The following PCBP3 variants were observed in gnomAD, a reference collection of about 807,000 sequenced individuals.
The protein encoded by PCBP3 is poly(rC)-binding protein 3.
PCBP3 carries 25 observed loss-of-function variants against 52.7 expected under a neutral mutation model. The ratio of observed to expected loss-of-function variants is 0.47; its 90% CI spans 0.35 to 0.66. PCBP3 has a LOEUF of 0.66. Among genes scored for constraint, PCBP3 ranks in the 30% least tolerant of loss-of-function variants. The probability of loss-of-function intolerance (pLI) is 0.01; values close to 1 mark genes in which losing one functional copy is unlikely to be tolerated. For synonymous variants in PCBP3, 162 were observed against 183.0 expected (o/e 0.89, Z 0.93); for missense variants, 391 against 490.3 (o/e 0.80, Z 1.91).
At position 45,821,542 on chromosome 21, in the gene PCBP3, G is replaced by T. The variant is rs1486616095; in HGVS notation, c.-125-28419G>T. The stretch of plus-strand genomic sequence containing the variant: ...ACTCATTTCTAGAATACTCTTCCCT[G>T]CCTGCACCCTGCTGTGGGCCCCGCC... On this transcript the variant is annotated intron_variant, in intron 4 of 17. Transcript: ENST00000681687. The surrounding 1 kb of genome is among the most constrained non-coding windows in gnomAD (Gnocchi z 4.4). Among the ~76,000 whole-genome samples the T allele has an allele frequency of 1.4e-5, 2 of 142,064 alleles. No homozygotes were observed. Among genetic ancestry groups the T allele is most frequent in the Non-Finnish European group, 1.5e-5 (1 of 64,776 alleles). 93.2% of individuals were successfully genotyped at this position (142,064 alleles called of 152,430 possible).
At chr21:45,712,593 G>A (rs1213691325) in intron 2 of PCBP3, among the ~76,000 whole-genome samples, 2 of 152,098 alleles carry the variant, frequency 1.3e-5, no homozygotes, top group African/African-American at 4.8e-5. Flanking sequence ...AATCTTTACT[G>A]ACACTGTACA....
chr21:45,931,791 G>A (rs1035331309), intron 15 of PCBP3, among the ~76,000 whole-genome samples: 1 of 151,850 alleles, frequency 6.6e-6, no homozygotes, highest in East Asian at 1.9e-4. Flanking sequence ...GAACACATCG[G>A]CCATGCTGTC....
chr21:45,654,257 T>C (rs2079868921), intron 1 of PCBP3, among the ~76,000 whole-genome samples: 1 of 152,124 alleles, frequency 6.6e-6, no homozygotes, highest in African/African-American at 2.4e-5. Flanking sequence ...ATTTCTAACT[T>C]ATTCTGGGAT....
At chr21:45,668,780 C>G (rs2080969213) in intron 1 of PCBP3, 94 bp from the exon 2 acceptor site, 1 of 152,064 alleles carries the variant, frequency 6.6e-6, no homozygotes, top group Non-Finnish European at 1.5e-5. Context: ...GAAGTTCTTA[C>G]TTTACTATTT....
At position 45,802,440 on chromosome 21, in the gene PCBP3, C is replaced by T. The variant is rs144170902; in HGVS notation, c.-126+46988C>T. ...AAAAACAATTGTACTTACTGAGTGCCTACGTTGTCCTGTGCCCGGGCTGCC... is the reference window on the plus strand; with the variant it reads ...AAAAACAATTGTACTTACTGAGTGCTTACGTTGTCCTGTGCCCGGGCTGCC... On this transcript the variant is annotated intron_variant, in intron 4 of 17. Transcript: ENST00000681687. The surrounding 1 kb of genome is among the most constrained non-coding windows in gnomAD (Gnocchi z 5.1). Among the ~76,000 whole-genome samples, 643 of 152,312 alleles carry T rather than the reference C, an allele frequency of 4.2e-3. 8 individuals carry two copies. The highest frequency in any genetic ancestry group is 0.02 in the Middle Eastern group (6 of 294).
chr21:45,841,387 C>A (rs746863622), intron 4 of PCBP3, among the ~76,000 whole-genome samples: 2 of 139,870 alleles, frequency 1.4e-5, no homozygotes, highest in Non-Finnish European at 3.1e-5. Flanking sequence ...CTTACTCTTA[C>A]ATTTCTTCTA....
At chr21:45,764,404 G>A (rs188229940) in intron 4 of PCBP3, among the ~76,000 whole-genome samples, 1 of 152,244 alleles carries the variant, frequency 6.6e-6, no homozygotes, top group African/African-American at 2.4e-5. Flanking sequence ...TTACAGGCGT[G>A]AGCCACCGTG....
At chr21:45,686,107 A>G (rs1349694228) in intron 2 of PCBP3, among the ~76,000 whole-genome samples, 1 of 152,010 alleles carries the variant, frequency 6.6e-6, no homozygotes, top group Non-Finnish European at 1.5e-5. Context: ...TAGTAGAGAC[A>G]GGGTTTCACC....
intron 5 of PCBP3, among the ~76,000 whole-genome samples, chr21:45,882,219 C>G (rs1056417410): frequency 2.6e-5 from 4 of 152,216 alleles, no homozygotes; most frequent in African/African-American, 9.7e-5. Flanking sequence ...AATAGCCATT[C>G]TAACAGGTAT....
At chr21:45,912,526 A>T (rs1037495119) in intron 11 of PCBP3, among the ~76,000 whole-genome samples, 1 of 152,134 alleles carries the variant, frequency 6.6e-6, no homozygotes, top group African/African-American at 2.4e-5. Context: ...CCAGGGTGCC[A>T]TGAGTCTGGG....
chr21:45,888,977 G>T (rs1275742322), intron 5 of PCBP3, among the ~76,000 whole-genome samples: 1 of 152,260 alleles, frequency 6.6e-6, no homozygotes, highest in Non-Finnish European at 1.5e-5. Context: ...TAGAAAGTTT[G>T]CACATTAAAT....
chr21:45,671,203 T>G (rs1334531111), intron 2 of PCBP3, among the ~76,000 whole-genome samples: 1 of 152,186 alleles, frequency 6.6e-6, no homozygotes, highest in Non-Finnish European at 1.5e-5. Context: ...TTATGAACAG[T>G]TAGTTATCTG....
chr21:45,756,928 C>T (rs1270305949), intron 4 of PCBP3, among the ~76,000 whole-genome samples: 1 of 152,144 alleles, frequency 6.6e-6, no homozygotes, highest in East Asian at 1.9e-4. Flanking sequence ...TTCGTTTACA[C>T]TTTTTGGGTA....
chr21:45,884,094 C>A (rs1054167736), intron 5 of PCBP3, among the ~76,000 whole-genome samples: 8 of 152,154 alleles, frequency 5.3e-5, no homozygotes, highest in Non-Finnish European at 1.0e-4. Flanking sequence ...CCACCATGCC[C>A]AGCCAATTTA....
At chr21:45,727,209 G>T (rs1200778016) in intron 2 of PCBP3, among the ~76,000 whole-genome samples, 1 of 152,164 alleles carries the variant, frequency 6.6e-6, no homozygotes, top group East Asian at 1.9e-4. Flanking sequence ...TGGATGCAAA[G>T]AAAATGTCAA....
chr21:45,725,875 G>A (rs557496293), intron 2 of PCBP3, among the ~76,000 whole-genome samples: 2 of 151,970 alleles, frequency 1.3e-5, no homozygotes, highest in African/African-American at 2.4e-5. Flanking sequence ...AGGAAGGGGT[G>A]GGGGGCAGCT....
chr21:45,896,535 G>T, intron 6 of PCBP3, 173 bp downstream of exon 6: 1 of 503,590 alleles, frequency 2.0e-6, no homozygotes, highest in Non-Finnish European at 3.2e-6. Context: ...ACATAGAACC[G>T]GAGATGCACT....
chr21:45,738,135 T>A (rs543504783), intron 3 of PCBP3, among the ~76,000 whole-genome samples: 2 of 152,356 alleles, frequency 1.3e-5, no homozygotes, highest in African/African-American at 4.8e-5. Context: ...ATGTAGGGGC[T>A]GTTTTTCAGC....
chr21:45,917,310 G>A lies in PCBP3; in HGVS notation c.676-278G>A, dbSNP rs912425209. On this transcript the variant is annotated intron_variant, in intron 12 of 17. Coordinates refer to ENST00000681687, the MANE Select transcript of PCBP3 (RefSeq NM_001384156.1). The surrounding 1 kb of genome is among the most constrained non-coding windows in gnomAD (Gnocchi z 5.3). ...TCACTCTTCGATTCTTTTGCTTTAAGAAACTTGGAGTCGGAAGCATCAAGG... is the reference window on the plus strand; with the variant it reads ...TCACTCTTCGATTCTTTTGCTTTAAAAAACTTGGAGTCGGAAGCATCAAGG... The A allele has an allele frequency of 1.6e-5, 6 of 379,022 alleles. No individual in the cohort carries two copies. The highest frequency in any genetic ancestry group is 4.1e-5 in the Admixed American group (1 of 24,348). 23.5% of individuals were successfully genotyped at this position (379,022 alleles called of 1,614,324 possible).
Sources: gnomAD v4.1 joint callset for allele counts (sites outside exome capture counted in the v4.1 genomes callset) on GRCh38, gnomAD v4.1.1 for gene constraint, Gnocchi (gnomAD v3.1) non-coding constraint, MANE v1.5 for transcripts, NCBI Gene and HGNC (gene_info 2026-07-23, HGNC 2026-07-21) for gene names.